TOGARAM2: variants seen among roughly 807,000 people sequenced by gnomAD.
TOGARAM2 encodes the protein TOG array regulator of axonemal microtubules 2, also known as TOG array regulator of axonemal microtubules protein 2.
TOGARAM2 carries 85 observed loss-of-function variants against 93.3 expected under a neutral mutation model. The ratio of observed to expected loss-of-function variants is 0.91; its 90% CI spans 0.76 to 1.09. TOGARAM2 has a LOEUF of 1.09. Among genes scored for constraint, TOGARAM2 ranks in the 50% least tolerant of loss-of-function variants. The probability of loss-of-function intolerance (pLI) is 0.00; values close to 1 mark genes in which losing one functional copy is unlikely to be tolerated. For missense variants in TOGARAM2, 1,277 were observed against 1,334.5 expected, an observed-to-expected ratio of 0.96 and a Z score of 0.67; for synonymous variants, 593 against 552.8, an observed-to-expected ratio of 1.07 and a Z score of -1.02.
At chr2:29,022,404 T>C in intron 11 of TOGARAM2, 96 bp downstream of exon 11, 1 of 1,516,216 alleles carries the variant, frequency 6.6e-7, no homozygotes, top group Non-Finnish European at 8.9e-7. Flanking sequence ...TCTCCCACTC[T>C]GGGGTTCCAG....
Position 28,998,185 on chromosome 2 carries a change from C to G in TOGARAM2, c.71C>G (p.Pro24Arg). The change falls in exon 3 of 20, where the codon CCT becomes CGT. Residue 24 changes from proline to arginine, a missense_variant. Coordinates refer to ENST00000379558, the MANE Select transcript of TOGARAM2 (RefSeq NM_199280.4). The part of the protein sequence containing the change: ...VPVAVYCGSI[P>R]RTSAGPRVLP... ...GTGGCCGTGTACTGCGGGAGCATCC[C>G]TCGGACCAGTGCTGGGCCCCGGGTG... The G allele has an allele frequency of 6.2e-7, 1 of 1,612,024 alleles. No individual in the cohort carries two copies. The highest frequency in any genetic ancestry group is 8.5e-7 in the Non-Finnish European group (1 of 1,179,232).
At chr2:28,973,172 A>G (rs1218498317) in intron 1 of TOGARAM2, among the ~76,000 whole-genome samples, 2 of 152,144 alleles carry the variant, frequency 1.3e-5, no homozygotes, top group Admixed American at 6.5e-5. Flanking sequence ...AGCAGATTTC[A>G]ACACAGATTT....
chr2:29,001,746 G>C lies in TOGARAM2; in HGVS notation c.428-790G>C, dbSNP rs534347447. On this transcript the variant is annotated intron_variant, in intron 4 of 19. Transcript: ENST00000379558. ...GACCTCCAGTGATCCTCCCGTTCTC[G>C]GCCTCCCAAAGTGTGTGGGATTACA... Among the ~76,000 whole-genome samples the C allele has an allele frequency of 3.3e-3, 495 of 152,274 alleles. 3 individuals are homozygous for C. The highest frequency in any genetic ancestry group is 5.4e-3 in the Non-Finnish European group (367 of 68,022).
intron 10 of TOGARAM2, among the ~76,000 whole-genome samples, chr2:29,019,880 AT>A (rs1664823051): frequency 6.6e-6 from 1 of 152,212 alleles, no homozygotes; most frequent in African/African-American, 2.4e-5. Context: ...TGTCCTCCTG[AT>A]TCTCCTAATA....
At chr2:29,041,998 TATC>T (rs1666467098) in intron 18 of TOGARAM2, among the ~76,000 whole-genome samples, 1 of 152,252 alleles carries the variant, frequency 6.6e-6, no homozygotes, top group South Asian at 2.1e-4. Context: ...AAGCTATTAG[TATC>T]ATCCCCATTT....
intron 1 of TOGARAM2, among the ~76,000 whole-genome samples, chr2:28,976,062 GT>G (rs1178524058): frequency 6.6e-6 from 1 of 152,162 alleles, no homozygotes; most frequent in African/African-American, 2.4e-5. Flanking sequence ...TTCTTTGCAT[GT>G]TCTTATAAAA....
chr2:29,040,854 G>A (rs754974231), intron 18 of TOGARAM2, among the ~76,000 whole-genome samples: 8 of 152,064 alleles, frequency 5.3e-5, no homozygotes, highest in Non-Finnish European at 7.3e-5. Context: ...CCCGTGTCTC[G>A]TTTGTTGGCT....
chr2:29,011,390 C>T, intron 6 of TOGARAM2, 65 bp from the exon 7 acceptor site: 1 of 1,528,032 alleles, frequency 6.5e-7, no homozygotes, highest in African/African-American at 1.4e-5. Context: ...CCACCCTGGG[C>T]TCCCCCAGCA....
chr2:29,022,343 GC>G (rs1665009909), intron 11 of TOGARAM2, 35 bp downstream of exon 11: 1 of 1,609,696 alleles, frequency 6.2e-7, no homozygotes, highest in Non-Finnish European at 8.5e-7. Context: ...CTGTGTTCTG[GC>G]CGGAAGCAGG....
At chr2:29,033,622 G>A in intron 16 of TOGARAM2, 59 bp downstream of exon 16, 1 of 1,529,962 alleles carries the variant, frequency 6.5e-7, no homozygotes, top group Non-Finnish European at 8.9e-7. Context: ...GAGGCATCCT[G>A]CTTGTCCATG....
intron 10 of TOGARAM2, among the ~76,000 whole-genome samples, chr2:29,019,264 T>C (rs1183777002): frequency 6.8e-6 from 1 of 147,278 alleles, no homozygotes; most frequent in African/African-American, 2.5e-5. Flanking sequence ...CACTGCAACC[T>C]CTGCCTCCTG....
intron 14 of TOGARAM2, among the ~76,000 whole-genome samples, chr2:29,027,878 G>A (rs578218909): frequency 3.3e-5 from 5 of 152,160 alleles, no homozygotes; most frequent in East Asian, 1.9e-4. Flanking sequence ...GGGTGGGGAC[G>A]GCCAGCCTGG....
At chr2:28,976,250 A>G (rs192488752) in intron 1 of TOGARAM2, among the ~76,000 whole-genome samples, 25 of 152,286 alleles carry the variant, frequency 1.6e-4, no homozygotes, top group East Asian at 9.7e-4. Context: ...GGGTGCCTGT[A>G]GTCCCAGCTA....
intron 17 of TOGARAM2, 79 bp from the exon 18 acceptor site, chr2:29,036,462 G>T: frequency 7.2e-7 from 1 of 1,396,954 alleles, no homozygotes. Flanking sequence ...TGGGCCAGGT[G>T]AGCTCCAAGC....
chr2:28,976,349 C>A (rs187423646), upstream of TOGARAM2, among the ~76,000 whole-genome samples: 3 of 151,834 alleles, frequency 2.0e-5, no homozygotes, highest in Non-Finnish European at 4.4e-5. Flanking sequence ...CCAGCCTGGG[C>A]GACAGAGTGA....
intron 12 of TOGARAM2, 105 bp downstream of exon 12, chr2:29,023,296 C>T: frequency 1.1e-6 from 1 of 922,054 alleles, no homozygotes; most frequent in Non-Finnish European, 1.6e-6. Flanking sequence ...ACATGGGGAT[C>T]CCTGCTTATT....
intron 13 of TOGARAM2, among the ~76,000 whole-genome samples, chr2:29,025,158 G>A (rs1665268492): frequency 6.6e-6 from 1 of 152,124 alleles, no homozygotes; most frequent in Non-Finnish European, 1.5e-5. Context: ...ACTGCAAAGG[G>A]TGAGATCCTG....
intron 6 of TOGARAM2, among the ~76,000 whole-genome samples, chr2:29,006,302 TGTGA>T (rs1374021735): frequency 2.0e-5 from 3 of 149,478 alleles, no homozygotes; most frequent in Non-Finnish European, 3.0e-5. Context: ...CATGTGTGTG[TGTGA>T]GTGCCTGTGT....
chr2:28,975,895 G>T (rs1266526682), intron 1 of TOGARAM2, among the ~76,000 whole-genome samples: 1 of 152,086 alleles, frequency 6.6e-6, no homozygotes, highest in Admixed American at 6.6e-5. Flanking sequence ...TGCTGATGAT[G>T]GGATGGAATT....
Sources: gnomAD v4.1 joint callset for allele counts (sites outside exome capture counted in the v4.1 genomes callset) on GRCh38, gnomAD v4.1.1 for gene constraint, MANE v1.5 for transcripts, NCBI Gene and HGNC (gene_info 2026-07-23, HGNC 2026-07-21) for gene names.